The following BMP6 variants were observed in gnomAD, a reference collection of about 807,000 sequenced individuals.
BMP6 encodes the protein VG-1-R.
In BMP6, 17 loss-of-function variants were observed where a neutral mutation model predicts 54.1. The observed-to-expected ratio is 0.31, with a 90% CI of 0.22 to 0.47. The LOEUF (loss-of-function observed/expected upper bound fraction) is 0.47. BMP6 is among the 20% of genes least tolerant of loss of function. The pLI, the probability that BMP6 is intolerant of heterozygous loss-of-function variation, is 1.00. For missense variants in BMP6, 720 were observed against 690.4 expected, an observed-to-expected ratio of 1.04 and a Z score of -0.48; for synonymous variants, 328 against 291.2, an observed-to-expected ratio of 1.13 and a Z score of -1.28.
At chr6:7,806,334 T>C (rs1758346777) in intron 1 of BMP6, among the ~76,000 whole-genome samples, 1 of 152,246 alleles carries the variant, frequency 6.6e-6, no homozygotes, top group African/African-American at 2.4e-5. Flanking sequence ...ATAAGTTACA[T>C]TCCCTGTGTC....
intron 1 of BMP6, among the ~76,000 whole-genome samples, chr6:7,779,247 C>T (rs1757904561): frequency 6.6e-6 from 1 of 152,220 alleles, no homozygotes; most frequent in Admixed American, 6.5e-5. Context: ...ATGGTGCCCT[C>T]TGGGGGATGC....
At chr6:7,778,320 G>A (rs1055300006) in intron 1 of BMP6, among the ~76,000 whole-genome samples, 1 of 152,162 alleles carries the variant, frequency 6.6e-6, no homozygotes, top group African/African-American at 2.4e-5. Context: ...TCCAAACATC[G>A]TACTCTGTTC....
intron 1 of BMP6, among the ~76,000 whole-genome samples, chr6:7,824,653 C>T (rs1758664492): frequency 6.6e-6 from 1 of 152,132 alleles, no homozygotes; most frequent in African/African-American, 2.4e-5. Context: ...TCTGATAATT[C>T]CAAAAGGGTA....
In BMP6 at chr6:7,763,487, C is replaced by G. The variant is rs569377949; in HGVS notation, c.664+35868C>G. On this transcript the variant is annotated intron_variant, in intron 1 of 6. Coordinates refer to ENST00000283147, the MANE Select transcript of BMP6 (RefSeq NM_001718.6). ...ATCCCATCGCCTTTTATGTCCTAGG[C>G]TTTTATCCTTATTCTTTTAAAACAC... Among the ~76,000 whole-genome samples, 3 of 152,306 alleles carry G rather than the reference C, an allele frequency of 2.0e-5. No homozygotes were observed. The East Asian group carries it at 5.8e-4, about 29-fold the overall frequency.
chr6:7,731,021 C>T (rs1330342580), intron 1 of BMP6, among the ~76,000 whole-genome samples: 4 of 152,198 alleles, frequency 2.6e-5, no homozygotes, highest in Non-Finnish European at 5.9e-5. Context: ...AAGTGTGAAT[C>T]AACAGGATAA....
chr6:7,818,749 G>A (rs2113221007), intron 1 of BMP6, among the ~76,000 whole-genome samples: 1 of 152,340 alleles, frequency 6.6e-6, no homozygotes, highest in South Asian at 2.1e-4. Flanking sequence ...GGGATGTGTA[G>A]CCACCTACAA....
intron 1 of BMP6, among the ~76,000 whole-genome samples, chr6:7,783,548 C>A (rs1410762296): frequency 2.0e-5 from 3 of 152,212 alleles, no homozygotes; most frequent in African/African-American, 7.2e-5. Flanking sequence ...CAAAACAATT[C>A]GTAAGAACTA....
intron 1 of BMP6, among the ~76,000 whole-genome samples, chr6:7,813,674 C>A (rs7773561): frequency 1 from 104,653 of 104,804 alleles, 52,254 homozygotes; most frequent in Middle Eastern, 1. Context: ...AAAAAACCCA[C>A]CAAACCCAGT....
chr6:7,853,983 A>G (rs577298993), intron 2 of BMP6, among the ~76,000 whole-genome samples: 1 of 152,304 alleles, frequency 6.6e-6, no homozygotes, highest in East Asian at 1.9e-4. Context: ...GGTAAGGCAC[A>G]GGGTAGAAGA....
intron 1 of BMP6, among the ~76,000 whole-genome samples, chr6:7,802,243 T>C (rs528026990): frequency 2.0e-5 from 3 of 152,226 alleles, no homozygotes; most frequent in Non-Finnish European, 4.4e-5. Flanking sequence ...AAGAGTATGA[T>C]TGATTATATA....
chr6:7,867,661 G>A (rs1327258984), intron 4 of BMP6, among the ~76,000 whole-genome samples: 1 of 152,230 alleles, frequency 6.6e-6, no homozygotes, highest in Non-Finnish European at 1.5e-5. Context: ...TTTAGGGCCT[G>A]CAGCTTGGCT....
At chr6:7,759,714 TTTTTTTG>T in intron 1 of BMP6, among the ~76,000 whole-genome samples, 1 of 138,216 alleles carries the variant, frequency 7.2e-6, no homozygotes, top group African/African-American at 2.8e-5. Flanking sequence ...TTTTTTTTTT[TTTTTTTG>T]GAGACTGAAT....
intron 1 of BMP6, among the ~76,000 whole-genome samples, chr6:7,829,698 ACT>A (rs897948449): frequency 1.6e-4 from 25 of 152,216 alleles, no homozygotes; most frequent in African/African-American, 5.8e-4. Context: ...AGAGGGAGAC[ACT>A]GTCTCAAATA....
At chr6:7,776,072 AGAT>A (rs1390134948) in intron 1 of BMP6, among the ~76,000 whole-genome samples, 1 of 152,218 alleles carries the variant, frequency 6.6e-6, no homozygotes, top group East Asian at 1.9e-4. Flanking sequence ...CTAAAACACT[AGAT>A]GATGTTTGTT....
intron 1 of BMP6, among the ~76,000 whole-genome samples, chr6:7,751,505 A>G (rs1757425170): frequency 6.6e-6 from 1 of 152,236 alleles, no homozygotes; most frequent in African/African-American, 2.4e-5. Context: ...CTAACAGTGC[A>G]GCAGATATTT....
chr6:7,856,916 A>T (rs1020306315), intron 2 of BMP6, among the ~76,000 whole-genome samples: 2 of 152,132 alleles, frequency 1.3e-5, no homozygotes, highest in Admixed American at 6.5e-5. Context: ...TTTTCTATCA[A>T]AATGGTTAGT....
intron 1 of BMP6, among the ~76,000 whole-genome samples, chr6:7,826,206 A>C (rs1482561449): frequency 6.6e-6 from 1 of 152,152 alleles, no homozygotes; most frequent in Admixed American, 6.5e-5. Context: ...CCTTGGTTCA[A>C]AAAGCTCTCA....
chr6:7,750,198 C>T (rs1296119055), intron 1 of BMP6, among the ~76,000 whole-genome samples: 5 of 152,182 alleles, frequency 3.3e-5, no homozygotes, highest in Non-Finnish European at 7.4e-5. Flanking sequence ...TGTTGTGTGC[C>T]CTTGAACATC....
intron 1 of BMP6, among the ~76,000 whole-genome samples, chr6:7,833,949 T>A (rs1259967656): frequency 2.0e-5 from 3 of 152,094 alleles, no homozygotes; most frequent in African/African-American, 7.2e-5. Context: ...AAAGTATGAG[T>A]GTCACGGGCT....
Sources: gnomAD v4.1 joint callset for allele counts (sites outside exome capture counted in the v4.1 genomes callset) on GRCh38, gnomAD v4.1.1 for gene constraint, MANE v1.5 for transcripts, NCBI Gene and HGNC (gene_info 2026-07-23, HGNC 2026-07-21) for gene names.